Variants in WDR89 observed in about 807,000 individuals in gnomAD.
The protein encoded by WDR89 is WD repeat domain 89.
WDR89 carries 17 observed loss-of-function variants against 29.1 expected under a neutral mutation model. The observed-to-expected ratio is 0.58, with a 90% CI of 0.40 to 0.88. The LOEUF (loss-of-function observed/expected upper bound fraction) is 0.88. WDR89 is among the 40% of genes least tolerant of loss of function. The pLI is 0.00. For missense variants in WDR89, 396 were observed against 456.3 expected (o/e 0.87, Z 1.20); for synonymous variants, 138 against 157.8 (o/e 0.87, Z 0.94).
intron 1 of WDR89, among the ~76,000 whole-genome samples, chr14:63,634,021 CGAGA>C (rs1883572429): frequency 1.3e-5 from 2 of 152,078 alleles, no homozygotes; most frequent in African/African-American, 4.8e-5. Context: ...ATTAAAATTA[CGAGA>C]ACTGTAAAAA....
chr14:63,627,182 T>TCTCTCC (rs1491583139), intron 1 of WDR89, among the ~76,000 whole-genome samples: 1 of 138,390 alleles, frequency 7.2e-6, no homozygotes, highest in African/African-American at 2.6e-5. Flanking sequence ...TCTCTCTCTC[T>TCTCTCC]CCTCTCTAAA....
At chr14:63,628,423 A>G (rs185370384) in intron 1 of WDR89, among the ~76,000 whole-genome samples, 78 of 152,348 alleles carry the variant, frequency 5.1e-4, no homozygotes, top group Non-Finnish European at 1.0e-3. Flanking sequence ...TCAGCTATAA[A>G]GAAATATATA....
chr14:63,615,939 AAAG>A (rs1187522451), intron 2 of WDR89, among the ~76,000 whole-genome samples: 1 of 151,330 alleles, frequency 6.6e-6, no homozygotes, highest in South Asian at 2.1e-4. Flanking sequence ...AAAAAAAAAA[AAAG>A]AATACAAAAA....
intron 2 of WDR89, among the ~76,000 whole-genome samples, chr14:63,605,106 AC>A (rs1895249411): frequency 6.6e-6 from 1 of 151,758 alleles, no homozygotes; most frequent in Non-Finnish European, 1.5e-5. Context: ...CTGTGATTGC[AC>A]CACTGCACTT....
rs543298263 is a variant in WDR89 at position 63,616,925 on chromosome 14, T to C, written c.-32+8003A>G. ...GAAGTGGCTGGATGTAGGTCACAAA[T>C]ATGAAAGAATTTTCTGGTAAAACTG... On this transcript the variant is annotated intron_variant, in intron 2 of 2. Coordinates refer to ENST00000620954, the MANE Select transcript of WDR89 (RefSeq NM_080666.4). 2.0e-5 allele frequency among the ~76,000 whole-genome samples: 3 copies of C among 151,792 alleles called. No individual in the cohort carries two copies. The East Asian group carries it at 5.8e-4, about 29-fold the overall frequency.
At chr14:63,639,196 A>C (rs563747186) in intron 1 of WDR89, among the ~76,000 whole-genome samples, 1 of 152,282 alleles carries the variant, frequency 6.6e-6, no homozygotes, top group African/African-American at 2.4e-5. Context: ...AGTGAAACTG[A>C]TTTCATACTT....
At chr14:63,639,555 G>C (rs138371241) in intron 1 of WDR89, among the ~76,000 whole-genome samples, 1 of 152,038 alleles carries the variant, frequency 6.6e-6, no homozygotes, top group East Asian at 1.9e-4. Context: ...ACACCCTTTT[G>C]ACAGTTTGGC....
chr14:63,625,912 A>G (rs59672263), intron 1 of WDR89, among the ~76,000 whole-genome samples: 32,445 of 150,908 alleles, frequency 0.21, 7,774 homozygotes, highest in African/African-American at 0.6. Context: ...CGAGAGCAGC[A>G]GCGTGATCTC....
intron 1 of WDR89, among the ~76,000 whole-genome samples, chr14:63,634,795 AG>A (rs1883623201): frequency 6.6e-6 from 1 of 150,900 alleles, no homozygotes; most frequent in Non-Finnish European, 1.5e-5. Flanking sequence ...GCTTGAACCC[AG>A]GAGGCGGAGG....
Position 63,598,765 on chromosome 14 carries a change from T to G in WDR89, c.*14A>C. Reference sequence around the variant, plus strand: ...AAACTATAAAACCTACCAAACAAAGTGCCAAATGCATTATCACTGCTTTTT... The same window carrying G: ...AAACTATAAAACCTACCAAACAAAGGGCCAAATGCATTATCACTGCTTTTT... On this transcript the variant is annotated 3_prime_UTR_variant, in exon 3 of 3. Transcript: ENST00000620954. 6.4e-7 allele frequency: 1 copy of G among 1,555,216 alleles called. No homozygotes were observed.
rs1894894899 is a variant in WDR89 at position 63,598,642 on chromosome 14, T to G, written c.*137A>C. On this transcript the variant is annotated 3_prime_UTR_variant, in exon 3 of 3. Coordinates refer to ENST00000620954, the MANE Select transcript of WDR89 (RefSeq NM_080666.4). ...TATGTGAAGACCGGAATTAAACCAT[T>G]CTCACCATATTTTTCCAGGACTGTT... The G allele has an allele frequency of 2.7e-6, 2 of 733,506 alleles. No homozygotes were observed. Among genetic ancestry groups the G allele is most frequent in the Admixed American group, 3.7e-5 (1 of 27,132 alleles). 45.4% of individuals were successfully genotyped at this position (733,506 alleles called of 1,614,324 possible). A position where few individuals can be genotyped will look rare whatever the true frequency, so the allele number is the denominator to read the frequency against.
rs775949617 is a variant in WDR89 at position 63,598,823 on chromosome 14, G to A, written c.1120C>T (p.Arg374Ter). 1.2e-5 allele frequency: 20 copies of A among 1,609,464 alleles called. No individual in the cohort carries two copies. Among genetic ancestry groups the A allele is most frequent in the East Asian group, 2.2e-5 (1 of 44,874 alleles). Residue 374 changes from arginine to a stop codon, truncating the protein, a stop_gained, in exon 3 of 3, where the codon CGA (arginine) becomes TGA (stop). Transcript: ENST00000620954. LOFTEE classifies it high-confidence loss of function. The stretch of plus-strand genomic sequence containing the variant: ...TTATAAGAATCATTACTATGAACTC[G>A]TACTCGTTGGTGCACAGAGGATGCT... ...KIASSVHQRV[R>*]VHSNDSYKRR...
At chr14:63,613,818 CATCT>C (rs1413133504) in intron 2 of WDR89, among the ~76,000 whole-genome samples, 2 of 141,296 alleles carry the variant, frequency 1.4e-5, no homozygotes, top group African/African-American at 5.3e-5. Flanking sequence ...AATTTTTAAA[CATCT>C]TTTTTTTTTT....
At chr14:63,627,150 A>ACACTCTCTCT (rs1433982075) in intron 1 of WDR89, among the ~76,000 whole-genome samples, 2 of 127,188 alleles carry the variant, frequency 1.6e-5, no homozygotes, top group African/African-American at 6.4e-5. Flanking sequence ...ACACACACAC[A>ACACTCTCTCT]CTCTCTCTCT....
At chr14:63,600,311 T>C (rs1370278429) in intron 2 of WDR89, among the ~76,000 whole-genome samples, 1 of 152,014 alleles carries the variant, frequency 6.6e-6, no homozygotes, top group Non-Finnish European at 1.5e-5. Flanking sequence ...CTGAGCAACA[T>C]GGGGAGACCC....
At chr14:63,632,182 G>GA (rs991911222) in intron 1 of WDR89, among the ~76,000 whole-genome samples, 9 of 151,174 alleles carry the variant, frequency 6.0e-5, no homozygotes, top group Non-Finnish European at 1.0e-4. Context: ...AAAATGGGGG[G>GA]AAAAAAAACA....
At chr14:63,601,453 C>T (rs1438549722) in intron 2 of WDR89, 1 of 1,049,898 alleles carries the variant, frequency 9.5e-7, no homozygotes, top group Non-Finnish European at 1.5e-6. Flanking sequence ...TGCCTAGTAA[C>T]ACTATAATAA....
intron 2 of WDR89, chr14:63,621,625 C>T (rs1179152348): frequency 1.3e-5 from 2 of 152,086 alleles, no homozygotes; most frequent in African/African-American, 2.4e-5. Flanking sequence ...ACAGTCTTCG[C>T]ATCAAAAACT....
At chr14:63,629,776 T>C (rs1427551684) in intron 1 of WDR89, among the ~76,000 whole-genome samples, 2 of 152,200 alleles carry the variant, frequency 1.3e-5, no homozygotes, top group Non-Finnish European at 2.9e-5. Flanking sequence ...ATTTTTTTTA[T>C]TTCTTCTCAC....
Sources: gnomAD v4.1 joint callset for allele counts (sites outside exome capture counted in the v4.1 genomes callset) on GRCh38, gnomAD v4.1.1 for gene constraint, MANE v1.5 for transcripts, NCBI Gene and HGNC (gene_info 2026-07-23, HGNC 2026-07-21) for gene names.